DHRS4L2: variants seen among roughly 807,000 people sequenced by gnomAD.
DHRS4L2 encodes dehydrogenase/reductase 4 like 2, also known as dehydrogenase/reductase SDR family member 4-like 2.
DHRS4L2 carries 22 observed loss-of-function variants against 23.9 expected under a neutral mutation model. The observed-to-expected ratio is 0.92, with a 90% CI of 0.66 to 1.31. The LOEUF (loss-of-function observed/expected upper bound fraction) is 1.31, where lower values mean the gene tolerates loss of function less well. Among genes scored for constraint, DHRS4L2 ranks in the 40% most tolerant of loss-of-function variants. The pLI, the probability that DHRS4L2 is intolerant of heterozygous loss-of-function variation, is 0.00. For synonymous variants in DHRS4L2, 141 were observed against 123.7 expected, an observed-to-expected ratio of 1.14 and a Z score of -0.93; for missense variants, 385 against 303.3, an observed-to-expected ratio of 1.27 and a Z score of -2.00.
At chr14:23,986,145 C>A (rs2034135366), upstream of DHRS4L2, among the ~76,000 whole-genome samples, 1 of 151,652 alleles carries the variant, frequency 6.6e-6, no homozygotes, top group East Asian at 1.9e-4. Context: ...GCATGAGCCA[C>A]CATGCCCACC....
At chr14:23,993,697 A>T (rs938760674) in intron 2 of DHRS4L2, among the ~76,000 whole-genome samples, 1 of 151,684 alleles carries the variant, frequency 6.6e-6, no homozygotes, top group Non-Finnish European at 1.5e-5. Context: ...TTCTCAATTT[A>T]AATTTCAGTT....
chr14:23,989,268 C>T (rs1366594133), intron 1 of DHRS4L2, among the ~76,000 whole-genome samples, 193 bp downstream of exon 1: 1 of 151,690 alleles, frequency 6.6e-6, no homozygotes, highest in Non-Finnish European at 1.5e-5. Flanking sequence ...GCCCTTCTGT[C>T]CCTGCTGCCT....
chr14:23,992,491 G>A (rs1444931854), intron 2 of DHRS4L2, among the ~76,000 whole-genome samples: 2 of 151,322 alleles, frequency 1.3e-5, no homozygotes, highest in South Asian at 2.1e-4. Context: ...CCCTGAGAAT[G>A]GATACTACCC....
rs768245766 is a variant in DHRS4L2, at chr14:23,990,314, G to A, written c.261G>A (p.Val87=). The change falls in exon 2 of 8, where the codon GTG becomes GTA. Residue 87 remains valine, a synonymous_variant. Transcript: ENST00000335125. ...QGEGLSVTGT[V]CHVGKAEDRE... ...AGGGGCTGAGCGTGACGGGCACTGT[G>A]TGCCATGTGGGGAAGGCGGAGGACC... 1.2e-6 allele frequency: 2 copies of A among 1,612,102 alleles called. No individual in the cohort carries two copies. Among genetic ancestry groups the A allele is most frequent in the Middle Eastern group, 1.7e-4 (1 of 6,022 alleles).
At chr14:23,996,808 T>G (rs1408213085) in intron 3 of DHRS4L2, among the ~76,000 whole-genome samples, 1 of 151,808 alleles carries the variant, frequency 6.6e-6, no homozygotes, top group Non-Finnish European at 1.5e-5. Context: ...GCCTGGCTAA[T>G]TTTTTGTATT....
At chr14:23,991,521 C>A (rs557931681) in intron 2 of DHRS4L2, among the ~76,000 whole-genome samples, 3 of 151,716 alleles carry the variant, frequency 2.0e-5, no homozygotes, top group Non-Finnish European at 4.4e-5. Context: ...AGGCCTGGCC[C>A]AGAAGTGGTA....
chr14:23,984,260 T>C (rs1258118627), upstream of DHRS4L2, among the ~76,000 whole-genome samples: 6 of 151,732 alleles, frequency 4.0e-5, no homozygotes, highest in East Asian at 1.2e-3. Context: ...AGTTACCTTT[T>C]ACTTTTCACA....
chr14:23,981,592 GA>G (rs1212416576), intron 1 of DHRS4L2, among the ~76,000 whole-genome samples: 2 of 151,658 alleles, frequency 1.3e-5, no homozygotes, highest in Admixed American at 1.3e-4. Context: ...TATAGAGAAA[GA>G]AAAGTGGGCC....
intron 1 of DHRS4L2, among the ~76,000 whole-genome samples, chr14:23,977,357 A>T (rs1335145558): frequency 2.0e-5 from 3 of 151,736 alleles, no homozygotes; most frequent in Non-Finnish European, 4.4e-5. Flanking sequence ...GACAAACATG[A>T]GTGGAACTGG....
At chr14:24,004,056 G>A (rs1433402243) in intron 6 of DHRS4L2, among the ~76,000 whole-genome samples, 2 of 133,958 alleles carry the variant, frequency 1.5e-5, no homozygotes, top group African/African-American at 6.5e-5. Flanking sequence ...AGATCACGAG[G>A]TCAGGAGGTC....
chr14:23,992,496 C>G (rs886367745), intron 2 of DHRS4L2, among the ~76,000 whole-genome samples: 1 of 151,426 alleles, frequency 6.6e-6, no homozygotes, highest in Admixed American at 6.6e-5. Context: ...AGAATGGATA[C>G]TACCCAGTGG....
upstream of DHRS4L2, among the ~76,000 whole-genome samples, chr14:23,986,249 G>A (rs771930305): frequency 1.3e-5 from 2 of 151,178 alleles, no homozygotes; most frequent in Non-Finnish European, 3.0e-5. Flanking sequence ...ATCCTTTTCT[G>A]CTCACAGGCC....
At position 24,000,886 on chromosome 14, in the gene DHRS4L2, C is replaced by G. The variant is rs1355303764; in HGVS notation, c.432C>G (p.Ala144=). 3.7e-6 allele frequency: 6 copies of G among 1,610,576 alleles called. No individual in the cohort carries two copies. The African/African-American group carries it at 6.8e-5, about 18-fold the overall frequency. ...WDKTLDINVK[A]PALMTKAVVP... ...AGACTCTGGACATTAATGTGAAGGC[C>G]CCAGCCCTGATGACAAAGGCAGTGG... Residue 144 remains alanine, a synonymous_variant, in exon 4 of 8, where the codon GCC becomes GCG. Transcript: ENST00000335125.
At chr14:23,974,699 G>A (rs759779195) in intron 1 of DHRS4L2, among the ~76,000 whole-genome samples, 23 of 151,780 alleles carry the variant, frequency 1.5e-4, no homozygotes, top group Non-Finnish European at 2.5e-4. Flanking sequence ...ACTAAATCAG[G>A]ACGAAGTTGA....
chr14:23,990,142 T>C lies in DHRS4L2; in HGVS notation c.129-40T>C, dbSNP rs370596373. 125 of 1,605,656 alleles carry C rather than the reference T, an allele frequency of 7.8e-5. 2 individuals carry two copies. The highest frequency in any genetic ancestry group is 9.9e-5 in the Non-Finnish European group (116 of 1,176,858). ...AGCCCATGCTGTCGACCTCTTCCCC[T>C]GCACAGGCCTTAGCAGTCTTTGTCT... On this transcript the variant is annotated intron_variant, in intron 1 of 7. Transcript: ENST00000335125.
chr14:23,989,088 G>A lies in DHRS4L2; in HGVS notation c.128+13G>A, dbSNP rs781396528. 1.3e-6 allele frequency: 2 copies of A among 1,560,470 alleles called. No homozygotes were observed. The highest frequency in any genetic ancestry group is 8.7e-7 in the Non-Finnish European group (1 of 1,152,900). On this transcript the variant is annotated intron_variant, in intron 1 of 7. Transcript: ENST00000335125. The stretch of plus-strand genomic sequence containing the variant: ...CCTCCACCGACGGGTGAGTGTTGGT[G>A]CCGGAGTTTCTGAGGCCCTGGCTGC...
Position 23,990,339 on chromosome 14 carries a change from C to G in DHRS4L2, c.286C>G (p.Arg96Gly), listed in dbSNP as rs111637036. 4.3e-6 allele frequency: 7 copies of G among 1,611,158 alleles called. No individual in the cohort carries two copies. The Admixed American group carries it at 1.0e-4, about 23-fold the overall frequency. Reference sequence around the variant, plus strand: ...GTGCCATGTGGGGAAGGCGGAGGACCGGGAGCGGCTGGTGGCCATGGTGAG... The same window carrying G: ...GTGCCATGTGGGGAAGGCGGAGGACGGGGAGCGGCTGGTGGCCATGGTGAG... ...TVCHVGKAED[R>G]ERLVAMAVKL... is the part of the protein sequence containing the mutation. The change falls in exon 2 of 8, where the codon CGG (arginine) becomes GGG (glycine). Residue 96 changes from arginine to glycine, a missense_variant. By Grantham distance (125) the Arg-to-Gly change is moderately radical (BLOSUM62 -2). Transcript: ENST00000335125.
At chr14:23,991,737 CTTTTTTT>C (rs56024121) in intron 2 of DHRS4L2, among the ~76,000 whole-genome samples, 1 of 139,882 alleles carries the variant, frequency 7.1e-6, no homozygotes, top group Admixed American at 7.1e-5. Flanking sequence ...GCCTCCATAT[CTTTTTTT>C]TTTTTTTTTG....
At chr14:23,974,470 T>A (rs1259075032) in intron 1 of DHRS4L2, among the ~76,000 whole-genome samples, 1 of 148,748 alleles carries the variant, frequency 6.7e-6, no homozygotes, top group Non-Finnish European at 1.5e-5. Context: ...AGGAGCTGGA[T>A]TTTTGAAAAG....
Sources: gnomAD v4.1 joint callset for allele counts (sites outside exome capture counted in the v4.1 genomes callset) on GRCh38, gnomAD v4.1.1 for gene constraint, MANE v1.5 for transcripts, NCBI Gene and HGNC (gene_info 2026-07-23, HGNC 2026-07-21) for gene names.